CILP: variants seen among roughly 807,000 people sequenced by gnomAD.
CILP encodes cartilage intermediate layer protein.
A neutral mutation model predicts 82.5 loss-of-function variants in CILP; 75 were observed. The observed-to-expected ratio is 0.91, with a 90% CI of 0.75 to 1.10. The LOEUF (loss-of-function observed/expected upper bound fraction) is 1.10, where lower values mean the gene tolerates loss of function less well. CILP is among the 50% of genes least tolerant of loss of function. The pLI, the probability that CILP is intolerant of heterozygous loss-of-function variation, is 0.00. For synonymous variants in CILP, 530 were observed against 580.3 expected (o/e 0.91, Z 1.25); for missense variants, 1,479 against 1,530.8 (o/e 0.97, Z 0.56).
intron 4 of CILP, 129 bp from the exon 5 acceptor site, chr15:65,205,595 T>C: frequency 1.0e-6 from 1 of 956,762 alleles, no homozygotes; most frequent in Non-Finnish European, 1.5e-6. Context: ...GTCACTGATA[T>C]TTATATTTAC....
At chr15:65,209,591 G>A in intron 2 of CILP, 104 bp downstream of exon 2, 1 of 1,036,202 alleles carries the variant, frequency 9.7e-7, no homozygotes, top group Non-Finnish European at 1.5e-6. Context: ...AGGTCTTAAG[G>A]CCTTGCTGTG....
Position 65,197,016 on chromosome 15 carries a change from G to A in CILP, c.3270C>T (p.Ile1090=), listed in dbSNP as rs568279213. The A allele has an allele frequency of 2.7e-5, 44 of 1,614,178 alleles. 1 individual carries two copies. Among genetic ancestry groups the A allele is most frequent in the East Asian group, 2.2e-4 (10 of 44,880 alleles). Residue 1090 remains isoleucine, a synonymous_variant, in exon 9 of 9, where the codon ATC becomes ATT. Coordinates refer to ENST00000261883, the MANE Select transcript of CILP (RefSeq NM_003613.4). ...TDQDPRTAKE[I]ALGRCFDGTS... Reference sequence around the variant, plus strand: ...TGCCATCAAAGCACCGGCCGAGCGCGATCTCCTTGGCCGTGCGAGGGTCCT... The same window carrying A: ...TGCCATCAAAGCACCGGCCGAGCGCAATCTCCTTGGCCGTGCGAGGGTCCT...
At chr15:65,207,924 CT>C (rs1173895033) in intron 2 of CILP, among the ~76,000 whole-genome samples, 160 bp from the exon 3 acceptor site, 1 of 152,334 alleles carries the variant, frequency 6.6e-6, no homozygotes, top group East Asian at 1.9e-4. Context: ...CTCAGAAAAG[CT>C]TTACTCCTCT....
chr15:65,200,634 G>GGGCC (rs71287032), intron 8 of CILP, among the ~76,000 whole-genome samples: 1,854 of 152,050 alleles, frequency 0.012, 13 homozygotes, highest in Non-Finnish European at 0.019. Flanking sequence ...CTTTACCCAT[G>GGGCC]CTGGCCCCTC....
In CILP at chr15:65,197,241, AT is replaced by A. The variant is rs1566992436; in HGVS notation, c.3044del (p.Tyr1015LeufsTer11). ...CLEFKCSGMLYDQDRVDRTLV... is the reference protein window; with the variant it reads ...CLEFKCSGMLXDQDRVDRTLV... ...GGGTGCGGTCCACACGGTCCTGATC[AT>A]AGAGCATCCCACTGCACTTGAACTC... On this transcript the variant is annotated frameshift_variant, in exon 9 of 9. Coordinates refer to ENST00000261883, the MANE Select transcript of CILP (RefSeq NM_003613.4). LOFTEE classifies it high-confidence loss of function. The A allele has an allele frequency of 6.2e-7, 1 of 1,614,156 alleles. No individual in the cohort carries two copies. The highest frequency in any genetic ancestry group is 1.1e-5 in the South Asian group (1 of 91,080).
At chr15:65,199,184 C>G in intron 8 of CILP, 85 bp from the exon 9 acceptor site, 1 of 938,554 alleles carries the variant, frequency 1.1e-6, no homozygotes, top group Non-Finnish European at 1.6e-6. Context: ...CTACAGTATT[C>G]TATGGTTTTC....
intron 2 of CILP, among the ~76,000 whole-genome samples, chr15:65,208,621 T>G (rs1377762257): frequency 6.6e-6 from 1 of 152,188 alleles, no homozygotes; most frequent in African/African-American, 2.4e-5. Context: ...TGGCAGGGAC[T>G]GCCTGAGGAT....
chr15:65,210,267 A>C (rs1369549373), intron 1 of CILP, among the ~76,000 whole-genome samples: 1 of 152,032 alleles, frequency 6.6e-6, no homozygotes, highest in Non-Finnish European at 1.5e-5. Context: ...GGTACATATT[A>C]AGGCCGTGAA....
At chr15:65,208,797 A>T (rs2088550039) in intron 2 of CILP, among the ~76,000 whole-genome samples, 1 of 152,172 alleles carries the variant, frequency 6.6e-6, no homozygotes, top group Non-Finnish European at 1.5e-5. Context: ...ATGCTGCTTA[A>T]TTGGGGTGAT....
At chr15:65,200,413 A>G (rs189189776) in intron 8 of CILP, among the ~76,000 whole-genome samples, 174 of 151,270 alleles carry the variant, frequency 1.2e-3, no homozygotes, top group African/African-American at 4.0e-3. Context: ...AAGAGTCTAA[A>G]GTAGTCCAGG....
Position 65,197,283 on chromosome 15 carries a change from G to C in CILP, c.3003C>G (p.Val1001=), listed in dbSNP as rs762567718. ...ACTTGAACTCCAGACAGGCAGCTGA[G>C]ACATTGGGCTGGTCCCTGTCCCGAG... ...RSTRDRDQPN[V]SAACLEFKCS... The change falls in exon 9 of 9, where the codon GTC becomes GTG. Residue 1001 remains valine (V), a synonymous_variant. Transcript: ENST00000261883. 6.2e-7 allele frequency: 1 copy of C among 1,613,970 alleles called. No individual in the cohort carries two copies. Among genetic ancestry groups the C allele is most frequent in the Non-Finnish European group, 8.5e-7 (1 of 1,179,992 alleles).
intron 8 of CILP, 112 bp from the exon 9 acceptor site, chr15:65,199,211 C>T (rs967335284): frequency 1.4e-6 from 1 of 698,274 alleles, no homozygotes; most frequent in African/African-American, 1.8e-5. Context: ...CTTGTATATC[C>T]ATGATTCTCA....
chr15:65,211,180 G>C (rs1211985549), intron 1 of CILP, among the ~76,000 whole-genome samples: 2 of 152,210 alleles, frequency 1.3e-5, no homozygotes, highest in African/African-American at 2.4e-5. Flanking sequence ...CAGAGGTATG[G>C]AAACCCTAAG....
intron 3 of CILP, 124 bp downstream of exon 3, chr15:65,207,548 G>C (rs538245742): frequency 1.4e-5 from 11 of 765,462 alleles, no homozygotes; most frequent in Non-Finnish European, 4.5e-6. Flanking sequence ...AGAGATGGAG[G>C]CCAAATGCTT....
intron 5 of CILP, 42 bp downstream of exon 5, chr15:65,205,245 C>T (rs763324130): frequency 5.2e-6 from 8 of 1,552,180 alleles, no homozygotes; most frequent in South Asian, 3.6e-5. Flanking sequence ...TCTTCAGCCT[C>T]ACCCACCACA....
chr15:65,206,917 T>C lies in CILP; in HGVS notation c.289A>G (p.Thr97Ala). Residue 97 changes from threonine to alanine, a missense_variant, in exon 4 of 9, where the codon ACT becomes GCT. Physicochemically the swap from Thr to Ala is moderately conservative, Grantham distance 58. Transcript: ENST00000261883. ...ARPLRLEARTTDWTPAGSTGQ... is the reference protein window; with the variant it reads ...ARPLRLEARTADWTPAGSTGQ... ...GTGCTGCCCGCAGGTGTCCAGTCAG[T>C]GGTCCGAGCCTCTAGCCGCAGGGGA... The C allele has an allele frequency of 6.2e-7, 1 of 1,613,746 alleles. No individual in the cohort carries two copies. Among genetic ancestry groups the C allele is most frequent in the Non-Finnish European group, 8.5e-7 (1 of 1,180,002 alleles).
Position 65,198,927 on chromosome 15 carries a change from G to A in CILP, c.1359C>T (p.Asn453=). 6.2e-7 allele frequency: 1 copy of A among 1,614,076 alleles called. No individual in the cohort carries two copies. Among genetic ancestry groups the A allele is most frequent in the Non-Finnish European group, 8.5e-7 (1 of 1,180,022 alleles). The part of the protein sequence containing the change: ...NGIRCRDAVQ[N]CCGISKTEER... The stretch of plus-strand genomic sequence containing the variant: ...CCTCTGTCTTGGAGATGCCACAGCA[G>A]TTCTGCACAGCATCACGGCACCTGA... The change falls in exon 9 of 9, where the codon AAC becomes AAT. Residue 453 remains asparagine, a synonymous_variant. Transcript: ENST00000261883.
Position 65,203,344 on chromosome 15 carries a change from A to G in CILP, c.1028+18T>C. The G allele has an allele frequency of 1.3e-6, 2 of 1,550,936 alleles. No individual in the cohort carries two copies. The highest frequency in any genetic ancestry group is 8.9e-7 in the Non-Finnish European group (1 of 1,122,948). On this transcript the variant is annotated intron_variant, in intron 7 of 8. Transcript: ENST00000261883. ...TTCCAGGAGGAGAATTGGGCAGGGT[A>G]GCTAGCAGAATACGCACCAAAAATA... is the stretch of plus-strand genomic sequence containing the variant.
chr15:65,204,606 G>A (rs774153742), intron 5 of CILP, 24 bp from the exon 6 acceptor site: 1 of 1,572,178 alleles, frequency 6.4e-7, no homozygotes, highest in Admixed American at 2.1e-5. Flanking sequence ...GGCCATATCA[G>A]CAGGGATTCT....
Sources: gnomAD v4.1 joint callset for allele counts (sites outside exome capture counted in the v4.1 genomes callset) on GRCh38, gnomAD v4.1.1 for gene constraint, MANE v1.5 for transcripts, NCBI Gene and HGNC (gene_info 2026-07-23, HGNC 2026-07-21) for gene names.